The following GAA variants were observed in gnomAD, a reference collection of about 807,000 sequenced individuals.
GAA encodes the protein alpha glucosidase, also known as lysosomal alpha-glucosidase.
GAA carries 88 observed loss-of-function variants against 103.9 expected under a neutral mutation model. The observed-to-expected ratio is 0.85, with a 90% CI of 0.71 to 1.01. The LOEUF is 1.01. GAA is among the 50% of genes least tolerant of loss of function. The probability of loss-of-function intolerance (pLI) is 0.00; values close to 1 mark genes in which losing one functional copy is unlikely to be tolerated. For synonymous variants in GAA, 572 were observed against 563.1 expected, an observed-to-expected ratio of 1.02 and a Z score of -0.22; for missense variants, 1,350 against 1,305.3, an observed-to-expected ratio of 1.03 and a Z score of -0.53.
At position 80,109,989 on chromosome 17, in the gene GAA, C is replaced by G. The variant is rs1171766512; in HGVS notation, c.1371C>G (p.Pro457=). 1 of 1,613,392 alleles carries G rather than the reference C, an allele frequency of 6.2e-7. No homozygotes were observed. The highest frequency in any genetic ancestry group is 8.5e-7 in the Non-Finnish European group (1 of 1,179,954). ...CGGGCCCTGCCGGGAGCTACAGGCCCTACGACGAGGGTCTGCGGAGGGGGG... is the reference window on the plus strand; with the variant it reads ...CGGGCCCTGCCGGGAGCTACAGGCCGTACGACGAGGGTCTGCGGAGGGGGG... The part of the protein sequence containing the change: ...SSSGPAGSYR[P]YDEGLRRGVF... The change falls in exon 9 of 20, where the codon CCC becomes CCG. Residue 457 remains proline (P), a synonymous_variant. Coordinates refer to ENST00000302262, the MANE Select transcript of GAA (RefSeq NM_000152.5).
In GAA at chr17:80,119,514, C is replaced by G; in HGVS notation, c.*183C>G. The G allele has an allele frequency of 1.5e-6, 1 of 651,260 alleles. No homozygotes were observed. Among genetic ancestry groups the G allele is most frequent in the Non-Finnish European group, 2.8e-6 (1 of 356,614 alleles). 40.3% of individuals were successfully genotyped at this position (651,260 alleles called of 1,614,324 possible). Reference sequence around the variant, plus strand: ...CCTGGGCCGGGGCTCTGGCCCCCAACGTGTCTAGGAGAGCTTTCTCCCTAG... The same window carrying G: ...CCTGGGCCGGGGCTCTGGCCCCCAAGGTGTCTAGGAGAGCTTTCTCCCTAG... On this transcript the variant is annotated 3_prime_UTR_variant, in exon 20 of 20. Coordinates refer to ENST00000302262, the MANE Select transcript of GAA (RefSeq NM_000152.5).
rs1227980295 is a variant in GAA at position 80,105,962 on chromosome 17, CCA to C, written c.692+72_692+73del. 39 of 1,521,190 alleles carry C rather than the reference CCA, an allele frequency of 2.6e-5. 1 individual carries two copies. The Admixed American group carries it at 3.4e-4, about 13-fold the overall frequency. 94.2% of individuals were successfully genotyped at this position (1,521,190 alleles called of 1,614,324 possible). On this transcript the variant is annotated intron_variant, in intron 3 of 19. Transcript: ENST00000302262. Reference sequence around the variant, plus strand: ...CGCATTTCTCACACGGCAGGGAGGGCCACACGCGTTTGTTTCTCACACGATGG... The same window carrying C: ...CGCATTTCTCACACGGCAGGGAGGGCCACGCGTTTGTTTCTCACACGATGG...
At position 80,107,729 on chromosome 17, in the gene GAA, C is replaced by CAGCGGGT. The variant is rs372331052; in HGVS notation, c.858+7_858+8insAGCGGGT. The CAGCGGGT allele has an allele frequency of 8.7e-6, 14 of 1,606,994 alleles. No individual in the cohort carries two copies. Among genetic ancestry groups the CAGCGGGT allele is most frequent in the East Asian group, 4.5e-5 (2 of 44,820 alleles). On this transcript the variant is annotated splice_region_variant and intron_variant, in intron 4 of 19. Coordinates refer to ENST00000302262, the MANE Select transcript of GAA (RefSeq NM_000152.5). ...CCGGGACCTTGCGCCCACGGTACAGCGGCGGGCGGCGGGCGGGGGCACTGA... is the reference window on the plus strand; with the variant it reads ...CCGGGACCTTGCGCCCACGGTACAGCAGCGGGTGGCGGGCGGCGGGCGGGGGCACTGA...
intron 19 of GAA, 136 bp from the exon 20 acceptor site, chr17:80,119,136 C>G (rs1461306151): frequency 3.2e-6 from 3 of 945,590 alleles, no homozygotes; most frequent in Non-Finnish European, 5.2e-6. Flanking sequence ...ATCCCAGGGC[C>G]AGACGGAGCT....
intron 3 of GAA, among the ~76,000 whole-genome samples, chr17:80,106,569 G>A (rs1244356514): frequency 1.3e-5 from 2 of 152,164 alleles, no homozygotes; most frequent in East Asian, 1.9e-4. Context: ...CAGGGGACAG[G>A]GGTGGCCTCT....
Position 80,110,773 on chromosome 17 carries a change from C to T in GAA, c.1484C>T (p.Ala495Val), listed in dbSNP as rs1156383084. The change falls in exon 10 of 20, where the codon GCC becomes GTC. Residue 495 changes from alanine (A) to valine (V), a missense_variant. By Grantham distance (64) the Ala-to-Val change is moderately conservative (BLOSUM62 0). Coordinates refer to ENST00000302262, the MANE Select transcript of GAA (RefSeq NM_000152.5). ...TAFPDFTNPT[A>V]LAWWEDMVAE... ...TTCCCCGACTTCACCAACCCCACAG[C>T]CCTGGCCTGGTGGGAGGACATGGTG... 2 of 1,614,056 alleles carry T rather than the reference C, an allele frequency of 1.2e-6. No homozygotes were observed. Among genetic ancestry groups the T allele is most frequent in the Non-Finnish European group, 8.5e-7 (1 of 1,180,038 alleles).
chr17:80,103,446 G>T (rs754552262), intron 1 of GAA, among the ~76,000 whole-genome samples: 1 of 152,166 alleles, frequency 6.6e-6, no homozygotes. Flanking sequence ...TCCCCATGGT[G>T]TATTACACAC....
chr17:80,107,934 C>G, intron 5 of GAA, 38 bp downstream of exon 5: 1 of 1,556,474 alleles, frequency 6.4e-7, no homozygotes, highest in Non-Finnish European at 8.7e-7. Context: ...GCCGGGGTCT[C>G]CTCCGTGCTG....
Position 80,117,570 on chromosome 17 carries a change from C to T in GAA, c.2332-30C>T, listed in dbSNP as rs747746823. ...ACAGCATGGGGGCCTCGGCACGGCC[C>T]AGAATCCTCAAAGCAACATCTCCCT... is the stretch of plus-strand genomic sequence containing the variant. On this transcript the variant is annotated intron_variant, in intron 16 of 19. Coordinates refer to ENST00000302262, the MANE Select transcript of GAA (RefSeq NM_000152.5). 8 of 1,612,706 alleles carry T rather than the reference C, an allele frequency of 5.0e-6. No individual in the cohort carries two copies. The East Asian group carries it at 8.9e-5, about 18-fold the overall frequency.
intron 12 of GAA, 74 bp from the exon 13 acceptor site, chr17:80,112,504 T>C: frequency 6.3e-7 from 1 of 1,582,568 alleles, no homozygotes; most frequent in Non-Finnish European, 8.7e-7. Context: ...TGCTCCCAGC[T>C]CTGCCCTGCT....
intron 8 of GAA, 136 bp downstream of exon 8, chr17:80,108,964 A>C: frequency 8.5e-7 from 1 of 1,177,548 alleles, no homozygotes; most frequent in Non-Finnish European, 1.2e-6. Context: ...TATCGAGGGA[A>C]TATCAAGAAG....
rs1299373881 is a variant in GAA, at chr17:80,106,358, A to C, written c.692+464A>C. Among the ~76,000 whole-genome samples, 3 of 28,048 alleles carry C rather than the reference A, an allele frequency of 1.1e-4. No homozygotes were observed. The East Asian group carries it at 2.1e-3, about 19-fold the overall frequency. The allele number at this position is 28,048 out of a possible 152,430, so 18.4% of individuals were successfully genotyped here. A position where few individuals can be genotyped will look rare whatever the true frequency, so the allele number is the denominator to read the frequency against. ...ACACAGCGTCAGGGAGTGGTCATGC[A>C]GAGAGCACGCTAGAAGCCAGCTGTG... On this transcript the variant is annotated intron_variant, in intron 3 of 19. Transcript: ENST00000302262.
chr17:80,118,145 C>A (rs1345598614), intron 17 of GAA, 48 bp from the exon 18 acceptor site: 3 of 1,601,894 alleles, frequency 1.9e-6, no homozygotes, highest in Middle Eastern at 1.7e-4. Context: ...GAGGCCTCCA[C>A]CTCCACCAGG....
In GAA at chr17:80,119,625, G is replaced by A. The variant is rs1207125285; in HGVS notation, c.*294G>A. ...CCCTCCTCACCTGTTGCCGGCATGC[G>A]GGTAGTATTAGCCACCCCCCTCCAT... On this transcript the variant is annotated 3_prime_UTR_variant, in exon 20 of 20. Transcript: ENST00000302262. 7 of 417,792 alleles carry A rather than the reference G, an allele frequency of 1.7e-5. No homozygotes were observed. Among genetic ancestry groups the A allele is most frequent in the East Asian group, 1.0e-4 (2 of 19,206 alleles). 25.9% of individuals were successfully genotyped at this position (417,792 alleles called of 1,614,324 possible). A position where few individuals can be genotyped will look rare whatever the true frequency, so the allele number is the denominator to read the frequency against.
Position 80,112,021 on chromosome 17 carries a change from G to A in GAA, c.1675G>A (p.Ala559Thr). The A allele has an allele frequency of 6.2e-7, 1 of 1,613,978 alleles. No individual in the cohort carries two copies. Among genetic ancestry groups the A allele is most frequent in the Non-Finnish European group, 8.5e-7 (1 of 1,179,930 alleles). ...GGTLQAATIC[A>T]SSHQFLSTHY... ...GACCCTCCAGGCGGCCACCATCTGTGCCTCCAGCCACCAGTTTCTCTCCAC... is the reference window on the plus strand; with the variant it reads ...GACCCTCCAGGCGGCCACCATCTGTACCTCCAGCCACCAGTTTCTCTCCAC... Residue 559 changes from alanine (A) to threonine (T), a missense_variant, in exon 12 of 20, where the codon GCC (alanine) becomes ACC (threonine). By Grantham distance (58) the Ala-to-Thr change is moderately conservative (BLOSUM62 0). Transcript: ENST00000302262.
Position 80,118,320 on chromosome 17 carries a change from G to A in GAA, c.2609G>A (p.Arg870Gln), listed in dbSNP as rs747076541. 1.8e-5 allele frequency: 28 copies of A among 1,582,132 alleles called. 1 individual carries two copies. Among genetic ancestry groups the A allele is most frequent in the Admixed American group, 3.5e-5 (2 of 57,204 alleles). Residue 870 changes from arginine to glutamine, a missense_variant, in exon 18 of 20, where the codon CGA becomes CAA. Coordinates refer to ENST00000302262, the MANE Select transcript of GAA (RefSeq NM_000152.5). Reference protein sequence around the residue: ...DDGESLEVLERGAYTQVIFLA... With the variant: ...DDGESLEVLEQGAYTQVIFLA... Reference sequence around the variant, plus strand: ...GGAGAGAGCCTGGAAGTGCTGGAGCGAGGGGCCTACACACAGGTCATCTTC... The same window carrying A: ...GGAGAGAGCCTGGAAGTGCTGGAGCAAGGGGCCTACACACAGGTCATCTTC...
chr17:80,104,738 A>G lies in GAA; in HGVS notation c.152A>G (p.Glu51Gly), dbSNP rs980788190. The change falls in exon 2 of 20, where the codon GAG (glutamate) becomes GGG (glycine). Residue 51 changes from glutamate (E) to glycine (G), a missense_variant. Physicochemically the swap from Glu to Gly is moderately conservative, Grantham distance 98. Coordinates refer to ENST00000302262, the MANE Select transcript of GAA (RefSeq NM_000152.5). The surrounding 1 kb of genome is among the most constrained non-coding windows in gnomAD (Gnocchi z 4.0). ...AGTGGCTCCTCCCCAGTCCTGGAGG[A>G]GACTCACCCAGCTCACCAGCAGGGA... ...ELSGSSPVLE[E>G]THPAHQQGAS... The G allele has an allele frequency of 1.9e-6, 3 of 1,611,270 alleles. No homozygotes were observed. In the African/African-American group the frequency reaches 4.0e-5, roughly 22 times the overall value.
At chr17:80,115,729 C>T (rs543780535) in intron 15 of GAA, among the ~76,000 whole-genome samples, 1 of 152,270 alleles carries the variant, frequency 6.6e-6, no homozygotes, top group African/African-American at 2.4e-5. Flanking sequence ...GGTCTCGTTG[C>T]TATTGCTGAT....
intron 16 of GAA, among the ~76,000 whole-genome samples, chr17:80,117,393 C>T (rs2143922675): frequency 6.6e-6 from 1 of 152,322 alleles, no homozygotes; most frequent in African/African-American, 2.4e-5. Flanking sequence ...ATACCCAGGC[C>T]TCTCAGGCAC....
Sources: allele counts gnomAD v4.1 joint callset (sites outside exome capture counted in the v4.1 genomes callset), GRCh38; gene constraint gnomAD v4.1.1; non-coding constraint Gnocchi (gnomAD v3.1); transcripts MANE v1.5; gene names NCBI Gene and HGNC (gene_info 2026-07-23, HGNC 2026-07-21).